EBF3: variants seen among roughly 807,000 people sequenced by gnomAD.
The protein encoded by EBF3 is EBF transcription factor 3, also known as transcription factor COE3.
A neutral mutation model predicts 77.1 loss-of-function variants in EBF3; 18 were observed. That is an observed-to-expected ratio of 0.23 (90% confidence interval 0.16 to 0.35). The LOEUF (loss-of-function observed/expected upper bound fraction) is 0.35, where lower values mean the gene tolerates loss of function less well. Among genes scored for constraint, EBF3 ranks in the 10% least tolerant of loss-of-function variants. The probability of loss-of-function intolerance (pLI) is 1.00; values close to 1 mark genes in which losing one functional copy is unlikely to be tolerated. For missense variants in EBF3, 558 were observed against 860.0 expected, an observed-to-expected ratio of 0.65 and a Z score of 4.39; for synonymous variants, 350 against 343.5, an observed-to-expected ratio of 1.02 and a Z score of -0.21.
chr10:129,905,694 G>A (rs1048337542), intron 6 of EBF3, among the ~76,000 whole-genome samples: 11 of 152,114 alleles, frequency 7.2e-5, no homozygotes, highest in South Asian at 2.1e-4. Context: ...AGCGAGAACC[G>A]CAGCATCAGC....
intron 6 of EBF3, among the ~76,000 whole-genome samples, chr10:129,956,489 C>T (rs899849586): frequency 1.3e-5 from 2 of 152,134 alleles, no homozygotes; most frequent in Non-Finnish European, 2.9e-5. Context: ...TGGGAGAGGG[C>T]TGGGCGAGGA....
intron 8 of EBF3, 60 bp from the exon 9 acceptor site, chr10:129,867,972 C>CTCGATG: frequency 6.3e-7 from 1 of 1,587,220 alleles, no homozygotes. Flanking sequence ...GACGCTGGGC[C>CTCGATG]GCTCGGCCAC....
chr10:129,918,326 C>T (rs1856032217), intron 6 of EBF3, among the ~76,000 whole-genome samples: 2 of 152,212 alleles, frequency 1.3e-5, no homozygotes, highest in Non-Finnish European at 1.5e-5. Context: ...CTCCATGCCC[C>T]ACACATTTCA....
In EBF3 at chr10:129,879,809, A is replaced by T. The variant is rs2134139847; in HGVS notation, c.555-1960T>A. On this transcript the variant is annotated intron_variant, in intron 6 of 16. Transcript: ENST00000440978. The surrounding 1 kb of genome is among the most constrained non-coding windows in gnomAD (Gnocchi z 4.7). ...GGCCACACTGCATTTGAACTGCATC[A>T]GAAAGGGCCTAACAAGGTGAGGGCG... 6.6e-6 allele frequency among the ~76,000 whole-genome samples: 1 copy of T among 152,344 alleles called. No individual in the cohort carries two copies. Among genetic ancestry groups the T allele is most frequent in the Middle Eastern group, 3.4e-3 (1 of 294 alleles).
rs574051992 is a variant in EBF3, at chr10:129,837,223, T to C, written c.*720A>G. On this transcript the variant is annotated 3_prime_UTR_variant, in exon 17 of 17. Transcript: ENST00000440978. Reference sequence around the variant, plus strand: ...AGGAAGCTCTAGCAGTGGGAGAATATTGGAACCAACAGACAGTAGCATTTT... The same window carrying C: ...AGGAAGCTCTAGCAGTGGGAGAATACTGGAACCAACAGACAGTAGCATTTT... The C allele has an allele frequency of 5.9e-5, 9 of 152,846 alleles. No individual in the cohort carries two copies. Among genetic ancestry groups the C allele is most frequent in the African/African-American group, 1.9e-4 (8 of 41,592 alleles). The allele number at this position is 152,846 out of a possible 1,614,324, so 9.5% of individuals were successfully genotyped here.
chr10:129,955,628 C>T (rs1211202612), intron 6 of EBF3, among the ~76,000 whole-genome samples: 1 of 152,192 alleles, frequency 6.6e-6, no homozygotes, highest in Non-Finnish European at 1.5e-5. Context: ...AGTTATTCAG[C>T]ATCAATAGTC....
chr10:129,903,252 T>C (rs1419860566), intron 6 of EBF3, among the ~76,000 whole-genome samples: 1 of 152,222 alleles, frequency 6.6e-6, no homozygotes, highest in East Asian at 1.9e-4. Flanking sequence ...GCAAAGTGGA[T>C]ATCAAAACCA....
chr10:129,927,634 C>T (rs978203145), intron 6 of EBF3, among the ~76,000 whole-genome samples: 8 of 152,232 alleles, frequency 5.3e-5, no homozygotes, highest in Non-Finnish European at 1.0e-4. Context: ...TGAACCCATG[C>T]CTCTGGAATG....
At chr10:129,844,385 A>G (rs1451541879) in intron 11 of EBF3, among the ~76,000 whole-genome samples, 1 of 152,180 alleles carries the variant, frequency 6.6e-6, no homozygotes, top group African/African-American at 2.4e-5. Flanking sequence ...GGTGCCTCAC[A>G]GACACACCAG....
At chr10:129,840,525 G>T (rs7093172) in intron 14 of EBF3, 83 bp from the exon 15 acceptor site, 86 of 1,418,242 alleles carry the variant, frequency 6.1e-5, no homozygotes, top group Non-Finnish European at 7.8e-5. Context: ...CGCCTCGGAC[G>T]GGGGGGCAGG....
chr10:129,913,540 A>G (rs1855667350), intron 6 of EBF3, among the ~76,000 whole-genome samples: 2 of 152,282 alleles, frequency 1.3e-5, no homozygotes, highest in Admixed American at 1.3e-4. Context: ...CGGCCGGCAG[A>G]GCCGCCTCCT....
Position 129,963,254 on chromosome 10 carries a change from G to A in EBF3, c.291+113C>T. ...GGCCGCACGTGGCGGCGGCGGGGTG[G>A]CCTGGCGGAGCCGAGCCCGCCGCCT... On this transcript the variant is annotated intron_variant, in intron 2 of 16. Transcript: ENST00000440978. The surrounding 1 kb of genome is among the most constrained non-coding windows in gnomAD (Gnocchi z 7.1). 7.0e-7 allele frequency: 1 copy of A among 1,428,834 alleles called. No individual in the cohort carries two copies. Among genetic ancestry groups the A allele is most frequent in the Non-Finnish European group, 9.2e-7 (1 of 1,083,646 alleles). The allele number at this position is 1,428,834 out of a possible 1,614,324, so 88.5% of individuals were successfully genotyped here.
At chr10:129,867,937 A>G in intron 8 of EBF3, 25 bp from the exon 9 acceptor site, 1 of 1,612,216 alleles carries the variant, frequency 6.2e-7, no homozygotes, top group South Asian at 1.1e-5. Flanking sequence ...CAGAGAAGGC[A>G]GACCTTAGAG....
intron 6 of EBF3, among the ~76,000 whole-genome samples, chr10:129,882,989 C>T (rs61874503): frequency 0.069 from 10,561 of 152,250 alleles, 508 homozygotes; most frequent in Middle Eastern, 0.11. Flanking sequence ...GTGGGCTTGG[C>T]GGTCGCACCC....
In EBF3 at chr10:129,962,963, G is replaced by A; in HGVS notation, c.334C>T (p.Leu112Phe). The stretch of plus-strand genomic sequence containing the variant: ...TTACCGTTGCTGTACAATAACTGGA[G>A]TTTATAGTGGATGCCGTTGTTGGTT... Reference protein sequence around the residue: ...EKTNNGIHYKLQLLYSNGVRT... With the variant: ...EKTNNGIHYKFQLLYSNGVRT... Residue 112 changes from leucine (L) to phenylalanine (F), a missense_variant, in exon 3 of 17, where the codon CTC becomes TTC. Physicochemically the swap from Leu to Phe is conservative, Grantham distance 22 (BLOSUM62 0). Around this residue, in one of 5 missense-constraint regions of EBF3, gnomAD observed 84 missense variants for 142.3 expected, o/e 0.59. Transcript: ENST00000440978. 6.8e-6 allele frequency: 11 copies of A among 1,614,152 alleles called. No individual in the cohort carries two copies. Among genetic ancestry groups the A allele is most frequent in the Non-Finnish European group, 9.3e-6 (11 of 1,180,004 alleles).
rs778229926 is a variant in EBF3, at chr10:129,943,873, G to A, written c.554+13385C>T. Reference sequence around the variant, plus strand: ...TATGTTCAGCAACGTTATGGAGGGCGCTGGCCTTCGGCGCAGACCCAGCTG... The same window carrying A: ...TATGTTCAGCAACGTTATGGAGGGCACTGGCCTTCGGCGCAGACCCAGCTG... On this transcript the variant is annotated intron_variant, in intron 6 of 16. Coordinates refer to ENST00000440978, the MANE Select transcript of EBF3 (RefSeq NM_001375380.1). This position sits in a 1 kb window ranked among gnomAD's most constrained non-coding sequence, Gnocchi z 8.8. 3.7e-4 allele frequency among the ~76,000 whole-genome samples: 56 copies of A among 152,304 alleles called. No homozygotes were observed. Among genetic ancestry groups the A allele is most frequent in the African/African-American group, 6.0e-4 (25 of 41,564 alleles).
At position 129,848,295 on chromosome 10, in the gene EBF3, G is replaced by A; in HGVS notation, c.1128+97C>T. ...GGTGGGCACAGAGTTTGGGGAATCT[G>A]CAATCCCCCCTTCCCAGAGCACCTG... On this transcript the variant is annotated intron_variant, in intron 11 of 16. Coordinates refer to ENST00000440978, the MANE Select transcript of EBF3 (RefSeq NM_001375380.1). The surrounding 1 kb of genome is among the most constrained non-coding windows in gnomAD (Gnocchi z 4.4). 1.6e-6 allele frequency: 2 copies of A among 1,266,322 alleles called. No individual in the cohort carries two copies. Among genetic ancestry groups the A allele is most frequent in the African/African-American group, 1.5e-5 (1 of 68,112 alleles). 78.4% of individuals were successfully genotyped at this position (1,266,322 alleles called of 1,614,324 possible).
In EBF3 at chr10:129,939,890, C is replaced by T. The variant is rs550694849; in HGVS notation, c.554+17368G>A. Among the ~76,000 whole-genome samples, 75 of 152,360 alleles carry T rather than the reference C, an allele frequency of 4.9e-4. 1 individual carries two copies. Among genetic ancestry groups the T allele is most frequent in the South Asian group, 1.0e-3 (5 of 4,834 alleles). ...CTAGATACCACGTCCTGAGGACTTA[C>T]GAGGAGTTATGCTAAGACCTGTGAG... On this transcript the variant is annotated intron_variant, in intron 6 of 16. Coordinates refer to ENST00000440978, the MANE Select transcript of EBF3 (RefSeq NM_001375380.1).
intron 6 of EBF3, among the ~76,000 whole-genome samples, chr10:129,880,306 CACATACACACACATGCCCACACAT>C (rs1235376268): frequency 2.6e-5 from 4 of 152,094 alleles, no homozygotes; most frequent in South Asian, 2.1e-4. Context: ...ATGCCACCCA[CACATACACACACATGCCCACACAT>C]ACATACACAC....
Sources: gnomAD v4.1 joint callset for allele counts (sites outside exome capture counted in the v4.1 genomes callset) on GRCh38, gnomAD v4.1.1 for gene constraint, gnomAD v4.1.1 regional missense constraint, Gnocchi (gnomAD v3.1) non-coding constraint, MANE v1.5 for transcripts, NCBI Gene and HGNC (gene_info 2026-07-23, HGNC 2026-07-21) for gene names.